The following TCF12 variants were observed in gnomAD, a reference collection of about 807,000 sequenced individuals.
TCF12 encodes transcription factor 12.
A neutral mutation model predicts 86.0 loss-of-function variants in TCF12; 45 were observed. That is an observed-to-expected ratio of 0.52 (90% confidence interval 0.41 to 0.67). The LOEUF is 0.67. Ranked by LOEUF, TCF12 falls within the 30% of genes least tolerant of loss-of-function variation. The pLI is 0.00. For missense variants in TCF12, 881 were observed against 859.9 expected (o/e 1.02, Z -0.31); for synonymous variants, 330 against 299.6 (o/e 1.10, Z -1.05).
rs1216350693 is a variant in TCF12 at position 57,256,868 on chromosome 15, T to C, written c.1467+3400T>C. ...ACAGAGCATTCAGATGACATTTTTG[T>C]TATAATGGAACTTTATCCTAATGGG... On this transcript the variant is annotated intron_variant, in intron 16 of 20. Transcript: ENST00000333725. 2.6e-5 allele frequency among the ~76,000 whole-genome samples: 4 copies of C among 152,248 alleles called. No individual in the cohort carries two copies. In the South Asian group the frequency reaches 8.3e-4, roughly 31 times the overall value.
chr15:56,965,242 A>AT (rs1185184520), intron 3 of TCF12, among the ~76,000 whole-genome samples: 10 of 151,318 alleles, frequency 6.6e-5, no homozygotes, highest in South Asian at 6.3e-4. Context: ...ATGCTCTTCT[A>AT]TTTTTTTTTC....
intron 4 of TCF12, among the ~76,000 whole-genome samples, chr15:57,077,133 G>C (rs919475489): frequency 6.6e-6 from 1 of 151,938 alleles, no homozygotes; most frequent in Non-Finnish European, 1.5e-5. Context: ...ACTATTCTAC[G>C]TTCTTTGCAT....
At chr15:57,177,125 T>C (rs1406361001) in intron 6 of TCF12, among the ~76,000 whole-genome samples, 2 of 152,122 alleles carry the variant, frequency 1.3e-5, no homozygotes, top group African/African-American at 2.4e-5. Context: ...CCATGTGATC[T>C]AGGAAAGAGT....
chr15:57,166,498 T>A (rs761377197), intron 6 of TCF12, 32 bp downstream of exon 6: 1 of 1,588,272 alleles, frequency 6.3e-7, no homozygotes, highest in Admixed American at 1.7e-5. Context: ...AGCAATGAGA[T>A]GGTTTTTAAA....
Position 57,170,753 on chromosome 15 carries a change from T to A in TCF12, c.390+4287T>A, listed in dbSNP as rs1248443050. On this transcript the variant is annotated intron_variant, in intron 6 of 20. Transcript: ENST00000333725. ...ATTATATATAATATATATTATATAT[T>A]ATATATTATATATATATTATATATA... is the stretch of plus-strand genomic sequence containing the variant. 4.0e-3 allele frequency among the ~76,000 whole-genome samples: 115 copies of A among 28,554 alleles called. 2 individuals carry two copies. The highest frequency in any genetic ancestry group is 0.011 in the African/African-American group (64 of 5,990). 18.7% of individuals were successfully genotyped at this position (28,554 alleles called of 152,430 possible). A position where few individuals can be genotyped will look rare whatever the true frequency, so the allele number is the denominator to read the frequency against.
At chr15:57,081,398 C>T (rs1306332057) in intron 4 of TCF12, among the ~76,000 whole-genome samples, 1 of 152,088 alleles carries the variant, frequency 6.6e-6, no homozygotes, top group Non-Finnish European at 1.5e-5. Context: ...ATTTTCTGTG[C>T]CTCTTGCCTC....
chr15:56,918,928 G>C (rs1567099838), intron 1 of TCF12, 22 bp downstream of exon 1: 1 of 152,456 alleles, frequency 6.6e-6, no homozygotes, highest in Non-Finnish European at 1.5e-5. Context: ...CTAGCGAGCG[G>C]GAGTGGGGCG....
chr15:57,180,225 G>GCCCTCA (rs2056239673), intron 6 of TCF12, among the ~76,000 whole-genome samples: 1 of 152,064 alleles, frequency 6.6e-6, no homozygotes, highest in Non-Finnish European at 1.5e-5. Flanking sequence ...GCCCTGAGTT[G>GCCCTCA]CCCTCACCCT....
intron 3 of TCF12, among the ~76,000 whole-genome samples, chr15:56,991,369 G>A (rs1595997639): frequency 6.6e-6 from 1 of 152,190 alleles, no homozygotes; most frequent in South Asian, 2.1e-4. Flanking sequence ...TGGTTGACCA[G>A]TTAGAGACAT....
chr15:57,076,468 C>A (rs2070050841), intron 4 of TCF12, among the ~76,000 whole-genome samples: 1 of 151,956 alleles, frequency 6.6e-6, no homozygotes, highest in Non-Finnish European at 1.5e-5. Context: ...TCCTGGCTAA[C>A]ATGATGAATC....
chr15:57,203,068 G>T lies in TCF12; in HGVS notation c.579+5243G>T, dbSNP rs111966310. On this transcript the variant is annotated intron_variant, in intron 8 of 20. Transcript: ENST00000333725. ...AAAAGTTTTCACGTTACCTCCACCT[G>T]TGTATATAATGTATGTGCCTGGCAC... 2.9e-3 allele frequency among the ~76,000 whole-genome samples: 436 copies of T among 152,342 alleles called. 4 individuals are homozygous for T. The highest frequency in any genetic ancestry group is 0.01 in the African/African-American group (420 of 41,578).
intron 5 of TCF12, among the ~76,000 whole-genome samples, chr15:57,164,140 A>G (rs1487118146): frequency 3.9e-5 from 6 of 152,208 alleles, no homozygotes; most frequent in Non-Finnish European, 8.8e-5. Context: ...TTGCAAATTC[A>G]TTTAGTATAT....
At chr15:56,931,256 C>T (rs1388609702) in intron 3 of TCF12, among the ~76,000 whole-genome samples, 2 of 152,010 alleles carry the variant, frequency 1.3e-5, no homozygotes, top group African/African-American at 4.8e-5. Flanking sequence ...TTGAGTAGTC[C>T]ACCCAATACA....
chr15:57,009,907 T>C (rs1227178778), intron 3 of TCF12, among the ~76,000 whole-genome samples: 1 of 152,208 alleles, frequency 6.6e-6, no homozygotes, highest in Non-Finnish European at 1.5e-5. Context: ...CTAACTGTTT[T>C]ATGGATGAAA....
rs572657260 is a variant in TCF12, at chr15:56,941,590, G to T, written c.148+20492G>T. 4.0e-5 allele frequency among the ~76,000 whole-genome samples: 6 copies of T among 151,884 alleles called. No homozygotes were observed. The East Asian group carries it at 5.8e-4, about 15-fold the overall frequency. ...GGGTTTCATTATGTTGGCCAGGCTGGTCTTTAACTCCTGACCTCAGGTGAT... is the reference window on the plus strand; with the variant it reads ...GGGTTTCATTATGTTGGCCAGGCTGTTCTTTAACTCCTGACCTCAGGTGAT... On this transcript the variant is annotated intron_variant, in intron 3 of 20. Coordinates refer to ENST00000333725, the MANE Select transcript of TCF12 (RefSeq NM_207037.2).
At chr15:57,248,860 T>A (rs1256230986) in intron 13 of TCF12, among the ~76,000 whole-genome samples, 1 of 152,242 alleles carries the variant, frequency 6.6e-6, no homozygotes, top group Admixed American at 6.5e-5. Flanking sequence ...GTGCACATCT[T>A]GATTCCTCAA....
chr15:57,024,949 G>GTAA (rs1190982246), intron 3 of TCF12, among the ~76,000 whole-genome samples: 5 of 152,134 alleles, frequency 3.3e-5, no homozygotes, highest in Admixed American at 3.3e-4. Flanking sequence ...GGTAGTCAAG[G>GTAA]TAATATCTGG....
At chr15:56,976,947 T>TA (rs1357021222) in intron 3 of TCF12, among the ~76,000 whole-genome samples, 1 of 152,124 alleles carries the variant, frequency 6.6e-6, no homozygotes, top group Non-Finnish European at 1.5e-5. Flanking sequence ...TTAATTAAAA[T>TA]AAAAATTTAG....
intron 3 of TCF12, among the ~76,000 whole-genome samples, chr15:57,024,120 C>A (rs1331176884): frequency 6.6e-6 from 1 of 150,914 alleles, no homozygotes; most frequent in Non-Finnish European, 1.5e-5. Flanking sequence ...TTTAAAGAAG[C>A]AAGACAAATA....
Sources: gnomAD v4.1 joint callset for allele counts (sites outside exome capture counted in the v4.1 genomes callset) on GRCh38, gnomAD v4.1.1 for gene constraint, MANE v1.5 for transcripts, NCBI Gene and HGNC (gene_info 2026-07-23, HGNC 2026-07-21) for gene names.